UGCG: variants seen among roughly 807,000 people sequenced by gnomAD.
UGCG encodes ceramide glucosyltransferase.
Under a neutral mutation model 49.5 loss-of-function variants are expected in UGCG, and 10 were observed. The observed-to-expected ratio is 0.20, with a 90% confidence interval of 0.12 to 0.34. The LOEUF (loss-of-function observed/expected upper bound fraction) is 0.34, where lower values mean the gene tolerates loss of function less well. Among genes scored for constraint, UGCG ranks in the 10% least tolerant of loss-of-function variants. The pLI, the probability that UGCG is intolerant of heterozygous loss-of-function variation, is 1.00. For missense variants in UGCG, 312 were observed against 483.7 expected (o/e 0.65, Z 3.33); for synonymous variants, 182 against 158.2 (o/e 1.15, Z -1.13).
intron 2 of UGCG, among the ~76,000 whole-genome samples, chr9:111,916,834 A>G (rs556425463): frequency 6.6e-6 from 1 of 151,996 alleles, no homozygotes; most frequent in Admixed American, 6.6e-5. Context: ...TAATGACCCC[A>G]TAACTGATTT....
At chr9:111,897,868 C>T (rs1180906571) in intron 1 of UGCG, among the ~76,000 whole-genome samples, 2 of 151,548 alleles carry the variant, frequency 1.3e-5, no homozygotes, top group African/African-American at 4.9e-5. Flanking sequence ...GTCCTGTCAG[C>T]TTGTACATCT....
intron 2 of UGCG, among the ~76,000 whole-genome samples, chr9:111,918,730 G>A (rs1011350749): frequency 2.0e-5 from 3 of 151,992 alleles, no homozygotes; most frequent in Non-Finnish European, 4.4e-5. Context: ...TCAGGAGATC[G>A]AGACCACGGT....
chr9:111,900,797 G>T (rs1353199798), intron 1 of UGCG, among the ~76,000 whole-genome samples: 2 of 152,020 alleles, frequency 1.3e-5, no homozygotes, highest in Admixed American at 6.6e-5. Flanking sequence ...CTGGCCCCCT[G>T]GAGATTTTTT....
chr9:111,909,327 G>T, intron 1 of UGCG, among the ~76,000 whole-genome samples: 1 of 151,658 alleles, frequency 6.6e-6, no homozygotes, highest in East Asian at 1.9e-4. Flanking sequence ...AAATTTTTTT[G>T]AAAAAAATCA....
At position 111,934,354 on chromosome 9, in the gene UGCG, T is replaced by G. The variant is rs1838478494; in HGVS notation, c.*1357T>G. 1 of 151,682 alleles carries G rather than the reference T, an allele frequency of 6.6e-6. No homozygotes were observed. Among genetic ancestry groups the G allele is most frequent in the African/African-American group, 2.4e-5 (1 of 41,276 alleles). 9.4% of individuals were successfully genotyped at this position (151,682 alleles called of 1,614,324 possible). ...TGGACTTGATTCTGTTTTGTTTTGT[T>G]TTTTTAAAAAAAAAAAACAAAAATG... On this transcript the variant is annotated 3_prime_UTR_variant, in exon 9 of 9. Coordinates refer to ENST00000374279, the MANE Select transcript of UGCG (RefSeq NM_003358.3).
intron 2 of UGCG, among the ~76,000 whole-genome samples, chr9:111,920,668 A>G (rs562701047): frequency 7.2e-5 from 11 of 152,136 alleles, no homozygotes; most frequent in African/African-American, 1.7e-4. Flanking sequence ...CTGGCCCACA[A>G]ATTTTTTTAT....
chr9:111,899,419 T>C (rs1159036806), intron 1 of UGCG, among the ~76,000 whole-genome samples: 1 of 152,220 alleles, frequency 6.6e-6, no homozygotes, highest in African/African-American at 2.4e-5. Context: ...AAAATATGTT[T>C]ATATGCTAGT....
intron 3 of UGCG, among the ~76,000 whole-genome samples, chr9:111,923,848 C>T (rs1838272195): frequency 6.6e-6 from 1 of 152,166 alleles, no homozygotes; most frequent in Non-Finnish European, 1.5e-5. Context: ...TCAGGCTGGT[C>T]TCGAACTGCT....
chr9:111,929,781 T>G, intron 6 of UGCG, 103 bp downstream of exon 6: 1 of 1,384,506 alleles, frequency 7.2e-7, no homozygotes, highest in South Asian at 1.3e-5. Flanking sequence ...TTAATTTTAT[T>G]TTTTTTGCTA....
At chr9:111,897,353 C>T (rs1837682530) in intron 1 of UGCG, 40 bp downstream of exon 1, 1 of 1,503,830 alleles carries the variant, frequency 6.6e-7, no homozygotes, top group Non-Finnish European at 9.0e-7. Flanking sequence ...GGCAGGGGTC[C>T]GGGCCTCGGA....
At chr9:111,911,009 A>G (rs963914872) in intron 1 of UGCG, among the ~76,000 whole-genome samples, 1 of 152,180 alleles carries the variant, frequency 6.6e-6, no homozygotes, top group Admixed American at 6.5e-5. Flanking sequence ...CACCTTTGAA[A>G]GTGCTGGGAT....
intron 1 of UGCG, among the ~76,000 whole-genome samples, chr9:111,898,641 T>TA (rs1411699393): frequency 6.6e-6 from 1 of 152,118 alleles, no homozygotes; most frequent in African/African-American, 2.4e-5. Context: ...TCTTTTTCTT[T>TA]AAAAAAATTG....
At chr9:111,908,291 A>AT (rs769894672) in intron 1 of UGCG, among the ~76,000 whole-genome samples, 62 of 152,342 alleles carry the variant, frequency 4.1e-4, no homozygotes, top group South Asian at 1.9e-3. Flanking sequence ...AACGCGGATG[A>AT]TTCTCACAAA....
intron 1 of UGCG, among the ~76,000 whole-genome samples, chr9:111,899,804 A>G (rs1257713692): frequency 6.6e-6 from 1 of 152,150 alleles, no homozygotes; most frequent in Non-Finnish European, 1.5e-5. Context: ...TAGAGCCCTA[A>G]TTATAGTTTC....
intron 6 of UGCG, among the ~76,000 whole-genome samples, chr9:111,930,435 G>C (rs1838404478): frequency 6.6e-6 from 1 of 150,876 alleles, no homozygotes; most frequent in Admixed American, 6.6e-5. Context: ...GACTGACTTA[G>C]CATTTCTCTA....
intron 1 of UGCG, among the ~76,000 whole-genome samples, chr9:111,899,211 G>A (rs1837722531): frequency 1.3e-5 from 2 of 152,068 alleles, no homozygotes; most frequent in African/African-American, 4.8e-5. Context: ...TTATATTTCC[G>A]AAAGAGGAAT....
intron 1 of UGCG, among the ~76,000 whole-genome samples, chr9:111,904,655 G>A (rs1837843389): frequency 6.6e-6 from 1 of 152,182 alleles, no homozygotes; most frequent in African/African-American, 2.4e-5. Flanking sequence ...GAGGTCAGGA[G>A]TTTGAGACCA....
At chr9:111,931,229 G>A (rs1838419305) in intron 6 of UGCG, 42 bp from the exon 7 acceptor site, 1 of 1,583,814 alleles carries the variant, frequency 6.3e-7, no homozygotes. Flanking sequence ...GCTTGCATGT[G>A]TTCATCATCA....
At chr9:111,904,545 G>T (rs1350744957) in intron 1 of UGCG, among the ~76,000 whole-genome samples, 1 of 152,010 alleles carries the variant, frequency 6.6e-6, no homozygotes, top group Non-Finnish European at 1.5e-5. Context: ...AATTTTTAAA[G>T]AATTTCAAGT....
Sources: gnomAD v4.1 joint callset for allele counts (sites outside exome capture counted in the v4.1 genomes callset) on GRCh38, gnomAD v4.1.1 for gene constraint, MANE v1.5 for transcripts, NCBI Gene and HGNC (gene_info 2026-07-23, HGNC 2026-07-21) for gene names.